The following RNF214 variants were observed in gnomAD, a reference collection of about 807,000 sequenced individuals.
RNF214 encodes ring finger protein 214.
A neutral mutation model predicts 75.9 loss-of-function variants in RNF214; 25 were observed. That is an observed-to-expected ratio of 0.33 (90% CI 0.24 to 0.46). The LOEUF is 0.46. RNF214 is among the 20% of genes least tolerant of loss of function. The probability of loss-of-function intolerance (pLI) is 1.00; values close to 1 mark genes in which losing one functional copy is unlikely to be tolerated. For missense variants in RNF214, 725 were observed against 857.5 expected (o/e 0.85, Z 1.93); for synonymous variants, 314 against 308.8 (o/e 1.02, Z -0.18).
intron 6 of RNF214, among the ~76,000 whole-genome samples, chr11:117,263,619 C>T (rs2033727150): frequency 6.6e-6 from 1 of 152,124 alleles, no homozygotes. Flanking sequence ...ACGTAGGAGT[C>T]CCACAAAAAT....
Position 117,246,847 on chromosome 11 carries a change from G to A in RNF214, c.858G>A (p.Arg286=). 1 of 1,611,742 alleles carries A rather than the reference G, an allele frequency of 6.2e-7. No individual in the cohort carries two copies. The highest frequency in any genetic ancestry group is 8.5e-7 in the Non-Finnish European group (1 of 1,178,658). Residue 286 remains arginine, a synonymous_variant, in exon 6 of 15, where the codon CGG becomes CGA. Transcript: ENST00000300650. ...CTATTCAGGATGTGACAATAAAGCG[G>A]GAAGAAACAAAGAAGAAGATAGAGA... ...LKAIQDVTIK[R]EETKKKIEKE...
chr11:117,244,225 C>T (rs2033152789), intron 4 of RNF214, among the ~76,000 whole-genome samples: 1 of 152,134 alleles, frequency 6.6e-6, no homozygotes, highest in South Asian at 2.1e-4. Flanking sequence ...AAGTGATCCG[C>T]CCGCCTCAGC....
intron 4 of RNF214, among the ~76,000 whole-genome samples, chr11:117,242,413 C>T (rs750370719): frequency 6.6e-6 from 1 of 152,168 alleles, no homozygotes; most frequent in Non-Finnish European, 1.5e-5. Context: ...AAAATAGAGA[C>T]TAGCAACTTG....
chr11:117,272,483 T>A lies in RNF214; in HGVS notation c.960-7425T>A, dbSNP rs149447562. Among the ~76,000 whole-genome samples the A allele has an allele frequency of 6.6e-3, 1,010 of 152,136 alleles. 8 individuals are homozygous for A. The highest frequency in any genetic ancestry group is 0.011 in the Non-Finnish European group (745 of 68,006). On this transcript the variant is annotated intron_variant, in intron 6 of 14. Coordinates refer to ENST00000300650, the MANE Select transcript of RNF214 (RefSeq NM_207343.4). ...GGAGAGCATTAGGACAAATAGCTAA[T>A]GTATGCGGGGCTTAAAACCTAGATG...
rs1259280319 is a variant in RNF214, at chr11:117,285,731, C to T, written c.*580C>T. 2 of 152,332 alleles carry T rather than the reference C, an allele frequency of 1.3e-5. No individual in the cohort carries two copies. The highest frequency in any genetic ancestry group is 2.4e-5 in the African/African-American group (1 of 41,408). The allele number at this position is 152,332 out of a possible 1,614,324, so 9.4% of individuals were successfully genotyped here. ...CTTATTGAATATTTTACTGTGTTAA[C>T]GCTCATTATTTATACAGACATTAGG... is the stretch of plus-strand genomic sequence containing the variant. On this transcript the variant is annotated 3_prime_UTR_variant, in exon 15 of 15. Coordinates refer to ENST00000300650, the MANE Select transcript of RNF214 (RefSeq NM_207343.4).
intron 6 of RNF214, among the ~76,000 whole-genome samples, chr11:117,261,626 G>A (rs1197114839): frequency 2.6e-5 from 4 of 152,070 alleles, no homozygotes; most frequent in African/African-American, 7.2e-5. Context: ...TCAATACAGT[G>A]TATTACTTTA....
intron 6 of RNF214, among the ~76,000 whole-genome samples, chr11:117,274,315 A>G (rs191045069): frequency 1.2e-3 from 171 of 148,350 alleles, no homozygotes; most frequent in African/African-American, 3.9e-3. Flanking sequence ...GATGAAGGGG[A>G]GAGAGGAGAA....
chr11:117,260,856 G>C (rs2033645249), intron 6 of RNF214, among the ~76,000 whole-genome samples: 1 of 150,176 alleles, frequency 6.7e-6, no homozygotes, highest in African/African-American at 2.5e-5. Flanking sequence ...GTTTCTCCAT[G>C]TTGGTCAAGC....
chr11:117,233,250 A>G (rs1259511053), intron 1 of RNF214, among the ~76,000 whole-genome samples: 2 of 152,104 alleles, frequency 1.3e-5, no homozygotes, highest in East Asian at 1.9e-4. Context: ...GCCCTGGGCT[A>G]TGTTGGAGAC....
intron 4 of RNF214, among the ~76,000 whole-genome samples, chr11:117,242,579 G>C (rs1341098459): frequency 1.3e-5 from 2 of 152,218 alleles, no homozygotes; most frequent in Non-Finnish European, 2.9e-5. Flanking sequence ...GAGGCCGGGT[G>C]CAGTGGCTCA....
At chr11:117,245,987 C>G (rs1328557258) in intron 5 of RNF214, among the ~76,000 whole-genome samples, 1 of 151,714 alleles carries the variant, frequency 6.6e-6, no homozygotes, top group African/African-American at 2.4e-5. Flanking sequence ...TTTTTTGATA[C>G]TGGATCTTGT....
At chr11:117,239,999 A>C (rs2033026633) in intron 4 of RNF214, 139 bp downstream of exon 4, 1 of 595,928 alleles carries the variant, frequency 1.7e-6, no homozygotes, top group Non-Finnish European at 3.0e-6. Flanking sequence ...TTCCTTGATC[A>C]CTTCCAAAGA....
intron 6 of RNF214, among the ~76,000 whole-genome samples, chr11:117,269,615 G>A (rs894863116): frequency 3.9e-5 from 6 of 152,126 alleles, no homozygotes; most frequent in East Asian, 3.8e-4. Context: ...CACCCGTCTC[G>A]GCCTCCCAAA....
intron 3 of RNF214, 41 bp downstream of exon 3, chr11:117,239,152 G>T (rs1255844371): frequency 1.3e-6 from 2 of 1,542,472 alleles, no homozygotes; most frequent in Non-Finnish European, 8.8e-7. Flanking sequence ...TAATTGGGGG[G>T]TGGTGGGGTT....
chr11:117,285,225 C>G lies in RNF214; in HGVS notation c.*74C>G, dbSNP rs904360304. 22 of 994,756 alleles carry G rather than the reference C, an allele frequency of 2.2e-5. No individual in the cohort carries two copies. The highest frequency in any genetic ancestry group is 4.8e-5 in the African/African-American group (3 of 62,596). 61.6% of individuals were successfully genotyped at this position (994,756 alleles called of 1,614,324 possible). A position where few individuals can be genotyped will look rare whatever the true frequency, so the allele number is the denominator to read the frequency against. On this transcript the variant is annotated 3_prime_UTR_variant, in exon 15 of 15. Coordinates refer to ENST00000300650, the MANE Select transcript of RNF214 (RefSeq NM_207343.4). The stretch of plus-strand genomic sequence containing the variant: ...GCGCGGGTTCAAGATTTCTAAAACT[C>G]TATATTTATACAGTGACATATACTC...
At chr11:117,247,257 A>C (rs1892904) in intron 6 of RNF214, among the ~76,000 whole-genome samples, 1 of 152,146 alleles carries the variant, frequency 6.6e-6, no homozygotes, top group African/African-American at 2.4e-5. Flanking sequence ...TGGGACACCA[A>C]GGTGGGAAGA....
chr11:117,265,067 CAA>C (rs879708710), intron 6 of RNF214, among the ~76,000 whole-genome samples: 20 of 121,118 alleles, frequency 1.7e-4, no homozygotes, highest in South Asian at 2.7e-4. Context: ...GACTCTATCT[CAA>C]AAAAAAAAAA....
intron 6 of RNF214, among the ~76,000 whole-genome samples, chr11:117,264,212 A>G (rs995855953): frequency 1.3e-5 from 2 of 152,052 alleles, no homozygotes; most frequent in African/African-American, 4.8e-5. Context: ...GGTCCCAGCT[A>G]TTTGGGAGGC....
At chr11:117,272,628 A>G (rs1366131817) in intron 6 of RNF214, among the ~76,000 whole-genome samples, 1 of 151,800 alleles carries the variant, frequency 6.6e-6, no homozygotes, top group African/African-American at 2.4e-5. Flanking sequence ...TTTTTTTTAA[A>G]AAGAAAGAAA....
Sources: gnomAD v4.1 joint callset for allele counts (sites outside exome capture counted in the v4.1 genomes callset) on GRCh38, gnomAD v4.1.1 for gene constraint, MANE v1.5 for transcripts, NCBI Gene and HGNC (gene_info 2026-07-23, HGNC 2026-07-21) for gene names.